PCDHGA3: variants seen among roughly 807,000 people sequenced by gnomAD.
PCDHGA3 encodes protocadherin gamma-A3.
PCDHGA3 carries 40 observed loss-of-function variants against 58.5 expected under a neutral mutation model. That is an observed-to-expected ratio of 0.68 (90% CI 0.53 to 0.89). The LOEUF is 0.89. Ranked by LOEUF, PCDHGA3 falls within the 40% of genes least tolerant of loss-of-function variation. The probability of loss-of-function intolerance (pLI) is 0.00; values close to 1 mark genes in which losing one functional copy is unlikely to be tolerated. For missense variants in PCDHGA3, 1,223 were observed against 1,195.9 expected (o/e 1.02, Z -0.33); for synonymous variants, 530 against 525.7 (o/e 1.01, Z -0.11).
intron 1 of PCDHGA3, chr5:141,398,637 T>G: frequency 6.2e-7 from 1 of 1,614,026 alleles, no homozygotes; most frequent in Non-Finnish European, 8.5e-7. Context: ...TGCAGAAGTA[T>G]AAACTCTCTC....
chr5:141,403,080 A>G, intron 1 of PCDHGA3: 2 of 1,614,078 alleles, frequency 1.2e-6, no homozygotes, highest in Non-Finnish European at 1.7e-6. Flanking sequence ...GAAAAGGGCT[A>G]TATTGTGGGC....
At chr5:141,393,912 G>A (rs1430302094) in intron 1 of PCDHGA3, 1 of 1,613,924 alleles carries the variant, frequency 6.2e-7, no homozygotes. Context: ...GACAGTAATT[G>A]CCTTCTTGAG....
intron 3 of PCDHGA3, among the ~76,000 whole-genome samples, chr5:141,510,415 C>G (rs2099881071): frequency 6.6e-6 from 1 of 152,082 alleles, no homozygotes; most frequent in Admixed American, 6.5e-5. Flanking sequence ...GCATGTAAAG[C>G]CATGGTTTCA....
chr5:141,475,424 T>C (rs2099363271), intron 1 of PCDHGA3, among the ~76,000 whole-genome samples: 1 of 152,244 alleles, frequency 6.6e-6, no homozygotes, highest in African/African-American at 2.4e-5. Context: ...CTCCTGCTAA[T>C]TTGATAGTAG....
chr5:141,486,148 G>A lies in PCDHGA3; in HGVS notation c.2425-8659G>A. On this transcript the variant is annotated intron_variant, in intron 1 of 3. Coordinates refer to ENST00000253812, the MANE Select transcript of PCDHGA3 (RefSeq NM_018916.4). This position sits in a 1 kb window ranked among gnomAD's most constrained non-coding sequence, Gnocchi z 5.0. ...AATTTGATGTGCGGGCTCGCGATGG[G>A]GGTTCTCCAGCCATGGAGCAACATT... 2 of 1,614,164 alleles carry A rather than the reference G, an allele frequency of 1.2e-6. No homozygotes were observed. The highest frequency in any genetic ancestry group is 1.7e-6 in the Non-Finnish European group (2 of 1,180,026).
At chr5:141,366,357 G>T in intron 1 of PCDHGA3, 1 of 1,614,020 alleles carries the variant, frequency 6.2e-7, no homozygotes, top group South Asian at 1.1e-5. Context: ...GCTGACCTAG[G>T]CAGTATCAAG....
intron 1 of PCDHGA3, chr5:141,409,421 G>C (rs1381290106): frequency 6.2e-7 from 1 of 1,614,044 alleles, no homozygotes; most frequent in South Asian, 1.1e-5. Context: ...ACTGGTGACA[G>C]ATGGAGCCCT....
At chr5:141,355,142 C>T in intron 1 of PCDHGA3, 1 of 1,526,256 alleles carries the variant, frequency 6.6e-7, no homozygotes, top group Non-Finnish European at 8.8e-7. Flanking sequence ...GATCCTGGGG[C>T]TCCTCAGGCC....
At position 141,477,115 on chromosome 5, in the gene PCDHGA3, A is replaced by T. The variant is rs1218111107; in HGVS notation, c.2425-17692A>T. On this transcript the variant is annotated intron_variant, in intron 1 of 3. Coordinates refer to ENST00000253812, the MANE Select transcript of PCDHGA3 (RefSeq NM_018916.4). The surrounding 1 kb of genome is among the most constrained non-coding windows in gnomAD (Gnocchi z 4.9). Reference sequence around the variant, plus strand: ...AAGACAAGGGCGCCAATCCCGAAGGAGCACATTGCAAAGTGTTGGTGGAGG... The same window carrying T: ...AAGACAAGGGCGCCAATCCCGAAGGTGCACATTGCAAAGTGTTGGTGGAGG... The T allele has an allele frequency of 6.2e-7, 1 of 1,614,230 alleles. No individual in the cohort carries two copies. Among genetic ancestry groups the T allele is most frequent in the Non-Finnish European group, 8.5e-7 (1 of 1,180,038 alleles).
chr5:141,403,527 C>G lies in PCDHGA3; in HGVS notation c.2424+57070C>G. The G allele has an allele frequency of 3.1e-6, 5 of 1,614,022 alleles. No homozygotes were observed. The South Asian group carries it at 5.5e-5, about 18-fold the overall frequency. The stretch of plus-strand genomic sequence containing the variant: ...ACTGGAGACAATGGAGCCATAAACC[C>G]AGAGCTGGTGCTGGAGCGCGCCCTG... On this transcript the variant is annotated intron_variant, in intron 1 of 3. Coordinates refer to ENST00000253812, the MANE Select transcript of PCDHGA3 (RefSeq NM_018916.4).
intron 1 of PCDHGA3, chr5:141,366,950 T>C: frequency 2.8e-6 from 2 of 712,110 alleles, no homozygotes; most frequent in Non-Finnish European, 4.3e-6. Context: ...CTGATATCTG[T>C]AGACTTAAGT....
intron 1 of PCDHGA3, among the ~76,000 whole-genome samples, chr5:141,387,521 C>G (rs1036909067): frequency 6.6e-6 from 1 of 152,188 alleles, no homozygotes; most frequent in Non-Finnish European, 1.5e-5. Flanking sequence ...ATTAAATATA[C>G]AGACGTATCC....
Position 141,462,764 on chromosome 5 carries a change from G to C in PCDHGA3, c.2425-32043G>C, listed in dbSNP as rs150842317. Among the ~76,000 whole-genome samples, 589 of 152,084 alleles carry C rather than the reference G, an allele frequency of 3.9e-3. 5 individuals are homozygous for C. Among genetic ancestry groups the C allele is most frequent in the Admixed American group, 0.011 (169 of 15,274 alleles). ...AATTCCTATGATGATTTTCTTCCTG[G>C]CTTGGGGTCATAATTTGTTGCTTAT... On this transcript the variant is annotated intron_variant, in intron 1 of 3. Transcript: ENST00000253812.
chr5:141,489,844 C>T lies in PCDHGA3; in HGVS notation c.2425-4963C>T, dbSNP rs1004902910. 4.3e-6 allele frequency: 7 copies of T among 1,614,148 alleles called. No homozygotes were observed. The African/African-American group carries it at 9.3e-5, about 22-fold the overall frequency. ...GCTGGTGCTAGAGCAGCAGCTGGAT[C>T]GTGAAGCCCAGGCAAGACATCAGCT... On this transcript the variant is annotated intron_variant, in intron 1 of 3. Transcript: ENST00000253812. The surrounding 1 kb of genome is among the most constrained non-coding windows in gnomAD (Gnocchi z 4.5).
chr5:141,359,093 T>C (rs970886110), intron 1 of PCDHGA3, among the ~76,000 whole-genome samples: 2 of 152,204 alleles, frequency 1.3e-5, no homozygotes, highest in African/African-American at 4.8e-5. Context: ...AGTTTCTACA[T>C]GGTTTTGTAT....
rs183514769 is a variant in PCDHGA3 at position 141,351,107 on chromosome 5, A to G, written c.2424+4650A>G. The G allele has an allele frequency of 4.5e-4, 724 of 1,614,064 alleles. 4 individuals are homozygous for G. In the East Asian group the frequency reaches 9.0e-3, roughly 20 times the overall value. On this transcript the variant is annotated intron_variant, in intron 1 of 3. Coordinates refer to ENST00000253812, the MANE Select transcript of PCDHGA3 (RefSeq NM_018916.4). ...CACCTATGCCTTCCTCAATTCCCCA[A>G]TAAGTACCAGCCTCTTCAATCTCAA...
intron 1 of PCDHGA3, chr5:141,420,367 T>C: frequency 7.3e-7 from 1 of 1,360,684 alleles, no homozygotes; most frequent in Non-Finnish European, 9.7e-7. Flanking sequence ...CTAGATAACT[T>C]CTTCATAGAG....
At chr5:141,507,785 C>T (rs1203302886) in intron 3 of PCDHGA3, among the ~76,000 whole-genome samples, 1 of 152,222 alleles carries the variant, frequency 6.6e-6, no homozygotes, top group African/African-American at 2.4e-5. Context: ...GCCTGACCCT[C>T]GTCTAAGCCT....
At chr5:141,492,834 G>A (rs544218873) in intron 1 of PCDHGA3, among the ~76,000 whole-genome samples, 7 of 152,214 alleles carry the variant, frequency 4.6e-5, no homozygotes, top group African/African-American at 1.7e-4. Context: ...CCTTCCTCCC[G>A]CAGGAAGTGA....
Sources: allele counts gnomAD v4.1 joint callset (sites outside exome capture counted in the v4.1 genomes callset), GRCh38; gene constraint gnomAD v4.1.1; non-coding constraint Gnocchi (gnomAD v3.1); transcripts MANE v1.5; gene names NCBI Gene and HGNC (gene_info 2026-07-23, HGNC 2026-07-21).